The following MATCAP1 variants were observed in gnomAD, a reference collection of about 807,000 sequenced individuals.
The protein encoded by MATCAP1 is microtubule associated tyrosine carboxypeptidase 1, also known as microtubule-associated tyrosine carboxypeptidase 1.
the MATCAP1 span, chr16:67,176,940 A>C: frequency 3.8e-6 from 6 of 1,596,214 alleles, no homozygotes; most frequent in Non-Finnish European, 5.1e-6. The surrounding 1 kb of genome is among the most constrained non-coding windows in gnomAD (Gnocchi z 4.3). Flanking sequence ...CCAGCACCCC[A>C]TGGGGCCGCA....
At chr16:67,179,276 G>C in the MATCAP1 span, 1 of 1,484,554 alleles carries the variant, frequency 6.7e-7, no homozygotes. This position sits in a 1 kb window ranked among gnomAD's most constrained non-coding sequence, Gnocchi z 5.2. Context: ...TAAGCAGAGG[G>C]CGGGAGGTGG....
At chr16:67,180,149 C>T in the MATCAP1 span, 1 of 1,614,226 alleles carries the variant, frequency 6.2e-7, no homozygotes, top group Non-Finnish European at 8.5e-7. Context: ...ACTGGAAGAA[C>T]TTGTCTCGCT....
the MATCAP1 span, chr16:67,178,876 T>G: frequency 1.8e-5 from 9 of 493,556 alleles, no homozygotes; most frequent in Non-Finnish European, 2.7e-5. Flanking sequence ...CATATCATCT[T>G]GAACAGTCAT....
the MATCAP1 span, among the ~76,000 whole-genome samples, chr16:67,181,965 TGGA>T: frequency 6.6e-6 from 1 of 152,180 alleles, no homozygotes; most frequent in Non-Finnish European, 1.5e-5. Context: ...CACTACCTCC[TGGA>T]GGCCAGGCAG....
chr16:67,179,174 G>C, the MATCAP1 span: 3 of 1,309,084 alleles, frequency 2.3e-6, no homozygotes, highest in East Asian at 9.9e-5. This position sits in a 1 kb window ranked among gnomAD's most constrained non-coding sequence, Gnocchi z 5.2. Flanking sequence ...GGAGAAGTCG[G>C]AGAGGAAGTG....
the MATCAP1 span, chr16:67,179,321 G>A: frequency 1.3e-6 from 2 of 1,511,030 alleles, no homozygotes; most frequent in East Asian, 4.6e-5. This position sits in a 1 kb window ranked among gnomAD's most constrained non-coding sequence, Gnocchi z 5.2. Context: ...CCTCAGGAGG[G>A]AAGGGGGAGA....
the MATCAP1 span, chr16:67,178,612 TC>T: frequency 2.6e-3 from 2,473 of 957,478 alleles, 40 homozygotes; most frequent in South Asian, 0.022. Flanking sequence ...CCGCGACACT[TC>T]CATCCTCATG....
chr16:67,176,766 C>G, the MATCAP1 span: 2 of 1,491,004 alleles, frequency 1.3e-6, no homozygotes, highest in African/African-American at 1.4e-5. The surrounding 1 kb of genome is among the most constrained non-coding windows in gnomAD (Gnocchi z 4.3). Context: ...AGGGGCCTAT[C>G]TGGAGCTTCT....
the MATCAP1 span, chr16:67,177,008 AGTG>A: frequency 6.7e-7 from 1 of 1,483,700 alleles, no homozygotes; most frequent in Non-Finnish European, 9.0e-7. Flanking sequence ...AGGCATAGGC[AGTG>A]GCCCCTGGCT....
the MATCAP1 span, chr16:67,178,276 C>A: frequency 6.4e-7 from 1 of 1,572,272 alleles, no homozygotes; most frequent in Non-Finnish European, 8.6e-7. Flanking sequence ...CTGCACGTAG[C>A]GCTCCAGGTC....
At chr16:67,177,626 G>C in the MATCAP1 span, among the ~76,000 whole-genome samples, 1 of 152,092 alleles carries the variant, frequency 6.6e-6, no homozygotes, top group East Asian at 1.9e-4. Flanking sequence ...AAATATCAGA[G>C]TCACTCCTCT....
chr16:67,178,496 A>T, the MATCAP1 span: 1 of 1,526,746 alleles, frequency 6.5e-7, no homozygotes, highest in Non-Finnish European at 8.8e-7. Flanking sequence ...CCCCGCAGGT[A>T]GTGGGTGCCT....
chr16:67,178,647 A>G, the MATCAP1 span: 3 of 783,508 alleles, frequency 3.8e-6, no homozygotes, highest in South Asian at 4.4e-5. Context: ...GCTCGCACAC[A>G]GGCTCTCCCA....
chr16:67,176,388 A>T, the MATCAP1 span: 1 of 158,034 alleles, frequency 6.3e-6, no homozygotes, highest in African/African-American at 2.4e-5. This position sits in a 1 kb window ranked among gnomAD's most constrained non-coding sequence, Gnocchi z 4.3. Flanking sequence ...ACCCAGTGAG[A>T]GGTAGACAGC....
At chr16:67,179,575 G>C in the MATCAP1 span, 2 of 1,609,220 alleles carry the variant, frequency 1.2e-6, no homozygotes, top group Middle Eastern at 1.7e-4. The surrounding 1 kb of genome is among the most constrained non-coding windows in gnomAD (Gnocchi z 5.2). Context: ...GCAGGTGGCA[G>C]TGCTCTGAGC....
chr16:67,177,075 ACTT>A, the MATCAP1 span: 2 of 1,072,848 alleles, frequency 1.9e-6, no homozygotes, highest in African/African-American at 3.3e-5. Flanking sequence ...TTGCTCCGGG[ACTT>A]CTTCCTCTCC....
chr16:67,180,489 CA>C, the MATCAP1 span: 4 of 1,597,454 alleles, frequency 2.5e-6, no homozygotes, highest in Admixed American at 5.1e-5. Context: ...GGACTGAGAC[CA>C]GGGGTACAGT....
chr16:67,178,293 G>T, the MATCAP1 span: 5 of 1,580,364 alleles, frequency 3.2e-6, no homozygotes, highest in Non-Finnish European at 4.3e-6. Flanking sequence ...GGTCCTGGAA[G>T]AGCTGACGGA....
At chr16:67,178,372 C>T in the MATCAP1 span, 1 of 1,559,368 alleles carries the variant, frequency 6.4e-7, no homozygotes, top group Non-Finnish European at 8.7e-7. Flanking sequence ...CGGCTGCTTG[C>T]GGAACAGCAC....
Sources: allele counts gnomAD v4.1 joint callset (sites outside exome capture counted in the v4.1 genomes callset), GRCh38; gene constraint gnomAD v4.1.1; non-coding constraint Gnocchi (gnomAD v3.1); transcripts MANE v1.5; gene names NCBI Gene and HGNC (gene_info 2026-07-23, HGNC 2026-07-21).